The following COA1 variants were observed in gnomAD, a reference collection of about 807,000 sequenced individuals.
The protein encoded by COA1 is cytochrome c oxidase assembly factor 1 homolog.
Under a neutral mutation model 16.0 loss-of-function variants are expected in COA1, and 13 were observed. The ratio of observed to expected loss-of-function variants is 0.81; its 90% confidence interval spans 0.53 to 1.29. The LOEUF is 1.29. Among genes scored for constraint, COA1 ranks in the 50% most tolerant of loss-of-function variants. COA1 has a pLI of 0.00. For synonymous variants in COA1, 65 were observed against 65.7 expected, an observed-to-expected ratio of 0.99 and a Z score of 0.05; for missense variants, 179 against 177.0, an observed-to-expected ratio of 1.01 and a Z score of -0.06.
intron 1 of COA1, among the ~76,000 whole-genome samples, chr7:43,718,972 CA>C (rs146202915): frequency 0.18 from 15,351 of 85,210 alleles, 884 homozygotes; most frequent in Admixed American, 0.35. Context: ...CAGGAATCTA[CA>C]TTTTTTTTTT....
At chr7:43,657,642 A>G (rs143962286) in intron 1 of COA1, among the ~76,000 whole-genome samples, 1 of 152,204 alleles carries the variant, frequency 6.6e-6, no homozygotes, top group Admixed American at 6.5e-5. Flanking sequence ...GTGAGGAGAC[A>G]AACAGTAAAC....
At chr7:43,610,346 CAAAAAAAAAAAA>C (rs138859141) in intron 6 of COA1, among the ~76,000 whole-genome samples, 1 of 41,328 alleles carries the variant, frequency 2.4e-5, no homozygotes, top group Non-Finnish European at 4.0e-5. Context: ...GACTCCGTCT[CAAAAAAAAAAAA>C]AAAAAAAAAA....
At chr7:43,729,077 T>A (rs1247838188) in intron 1 of COA1, among the ~76,000 whole-genome samples, 1 of 152,146 alleles carries the variant, frequency 6.6e-6, no homozygotes, top group Non-Finnish European at 1.5e-5. Context: ...CCTCAGGGTG[T>A]TGAAATTTAG....
intron 1 of COA1, among the ~76,000 whole-genome samples, chr7:43,724,926 G>A (rs1245176875): frequency 6.6e-6 from 1 of 152,212 alleles, no homozygotes; most frequent in Admixed American, 6.5e-5. Flanking sequence ...ATCATTTAAT[G>A]GGTGCAGTGT....
rs79100747 is a variant in COA1, at chr7:43,643,352, C to T, written c.264+1899G>A. On this transcript the variant is annotated intron_variant, in intron 4 of 5. Transcript: ENST00000223336. ...CAGCTGGGCTCTGTGCTGAGAGAAACGCAACAGCCAGACCTACCCAGTGGC... is the reference window on the plus strand; with the variant it reads ...CAGCTGGGCTCTGTGCTGAGAGAAATGCAACAGCCAGACCTACCCAGTGGC... Among the ~76,000 whole-genome samples, 875 of 152,346 alleles carry T rather than the reference C, an allele frequency of 5.7e-3. 56 individuals are homozygous for T. The East Asian group carries it at 0.15, about 25-fold the overall frequency.
At chr7:43,626,256 A>G (rs1056727705) in intron 6 of COA1, 4 of 152,250 alleles carry the variant, frequency 2.6e-5, no homozygotes, top group African/African-American at 9.6e-5. Flanking sequence ...CAAAATCATG[A>G]AAATGACAGC....
Position 43,691,377 on chromosome 7 carries a change from G to GAGGA in COA1, c.-39+38048_-39+38051dup, listed in dbSNP as rs1196489846. Among the ~76,000 whole-genome samples the GAGGA allele has an allele frequency of 5.5e-3, 168 of 30,722 alleles. 1 individual carries two copies. The highest frequency in any genetic ancestry group is 6.4e-3 in the Non-Finnish European group (108 of 16,866). The allele number at this position is 30,722 out of a possible 152,430, so 20.2% of individuals were successfully genotyped here. A position where few individuals can be genotyped will look rare whatever the true frequency, so the allele number is the denominator to read the frequency against. On this transcript the variant is annotated intron_variant, in intron 1 of 5. Coordinates refer to ENST00000223336, the MANE Select transcript of COA1 (RefSeq NM_018224.4). ...GGAGGGAGGGAGGGAGGGAGGGAGG[G>GAGGA]AGGAAGGAAGGAAGGAAGGAAGGAA...
chr7:43,675,547 A>C (rs971564517), intron 1 of COA1, among the ~76,000 whole-genome samples: 2 of 152,120 alleles, frequency 1.3e-5, no homozygotes, highest in African/African-American at 4.8e-5. Flanking sequence ...ACATGTATAC[A>C]TATGTAACAA....
At chr7:43,615,101 T>C (rs758600534) in intron 6 of COA1, among the ~76,000 whole-genome samples, 5 of 152,250 alleles carry the variant, frequency 3.3e-5, no homozygotes, top group Non-Finnish European at 5.9e-5. Flanking sequence ...TATGTATCAC[T>C]GAACCAAAGC....
At chr7:43,689,349 T>C (rs1296519321) in intron 1 of COA1, among the ~76,000 whole-genome samples, 1 of 152,206 alleles carries the variant, frequency 6.6e-6, no homozygotes, top group Admixed American at 6.5e-5. Context: ...AGACTGACTG[T>C]AATCTGGTAT....
chr7:43,625,172 G>A lies in COA1; in HGVS notation c.*133+14277C>T, dbSNP rs1301549175. The A allele has an allele frequency of 1.5e-5, 3 of 200,180 alleles. No individual in the cohort carries two copies. The South Asian group carries it at 3.5e-4, about 23-fold the overall frequency. 12.4% of individuals were successfully genotyped at this position (200,180 alleles called of 1,614,324 possible). A position where few individuals can be genotyped will look rare whatever the true frequency, so the allele number is the denominator to read the frequency against. On this transcript the variant is annotated intron_variant and NMD_transcript_variant, in intron 6 of 6. Transcript: ENST00000415076. ...CTTTCTTTAAAAAATCCAAGTAAAA[G>A]TGCCAAAACTACACTTCTGTAAATC... is the stretch of plus-strand genomic sequence containing the variant.
downstream of COA1, among the ~76,000 whole-genome samples, chr7:43,635,771 C>T (rs777915245): frequency 1.3e-5 from 2 of 152,106 alleles, no homozygotes; most frequent in Non-Finnish European, 2.9e-5. Context: ...GGAGACAGGT[C>T]TATAGTTTCT....
chr7:43,716,703 G>A (rs1231811859), intron 1 of COA1, among the ~76,000 whole-genome samples: 3 of 152,206 alleles, frequency 2.0e-5, no homozygotes, highest in Non-Finnish European at 4.4e-5. Flanking sequence ...TAATCACCAA[G>A]ACCATGGGGA....
At chr7:43,619,646 T>C (rs1403216482) in intron 6 of COA1, 1 of 1,614,102 alleles carries the variant, frequency 6.2e-7, no homozygotes, top group Non-Finnish European at 8.5e-7. Context: ...GACATTAAGA[T>C]TGTTGATTTT....
chr7:43,681,641 T>C (rs2093774194), intron 1 of COA1, among the ~76,000 whole-genome samples: 1 of 152,206 alleles, frequency 6.6e-6, no homozygotes, highest in Non-Finnish European at 1.5e-5. Flanking sequence ...GGTGAAAATT[T>C]GCTCACACTT....
intron 1 of COA1, among the ~76,000 whole-genome samples, chr7:43,720,863 G>A (rs1043616648): frequency 1.3e-5 from 2 of 152,196 alleles, no homozygotes; most frequent in African/African-American, 4.8e-5. Context: ...AAGTGCAAAT[G>A]TCTCACAAGC....
intron 4 of COA1, among the ~76,000 whole-genome samples, chr7:43,644,754 A>G (rs1303029736): frequency 0.1 from 10,807 of 106,838 alleles, 927 homozygotes; most frequent in Non-Finnish European, 0.15. Flanking sequence ...AGATAGATAG[A>G]TAGATAGGCA....
chr7:43,725,330 T>C (rs1052465798), intron 1 of COA1, among the ~76,000 whole-genome samples: 7 of 152,334 alleles, frequency 4.6e-5, no homozygotes, highest in African/African-American at 7.2e-5. Context: ...GGCACTGAAC[T>C]GTATCTTTAC....
intron 1 of COA1, among the ~76,000 whole-genome samples, chr7:43,693,916 C>A (rs975567562): frequency 6.6e-6 from 1 of 151,962 alleles, no homozygotes; most frequent in Non-Finnish European, 1.5e-5. Flanking sequence ...TAATCACACA[C>A]CATTTTAGTC....
Sources: allele counts gnomAD v4.1 joint callset (sites outside exome capture counted in the v4.1 genomes callset), GRCh38; gene constraint gnomAD v4.1.1; transcripts MANE v1.5; gene names NCBI Gene and HGNC (gene_info 2026-07-23, HGNC 2026-07-21).